Variants in DYNC1I1 observed in about 807,000 individuals in gnomAD.
DYNC1I1 encodes dynein cytoplasmic 1 intermediate chain 1.
Under a neutral mutation model 86.6 loss-of-function variants are expected in DYNC1I1, and 43 were observed. The observed-to-expected ratio is 0.50, with a 90% CI of 0.39 to 0.64. The LOEUF (loss-of-function observed/expected upper bound fraction) is 0.64. Among genes scored for constraint, DYNC1I1 ranks in the 30% least tolerant of loss-of-function variants. DYNC1I1 has a pLI of 0.00. For missense variants in DYNC1I1, 604 were observed against 788.8 expected (o/e 0.77, Z 2.81); for synonymous variants, 262 against 283.7 (o/e 0.92, Z 0.77).
At chr7:95,963,040 C>G (rs1792913943) in intron 6 of DYNC1I1, among the ~76,000 whole-genome samples, 1 of 152,152 alleles carries the variant, frequency 6.6e-6, no homozygotes, top group African/African-American at 2.4e-5. Context: ...GATCTACCTG[C>G]CATTCACTGT....
intron 1 of DYNC1I1, among the ~76,000 whole-genome samples, chr7:95,781,953 A>G (rs1584215575): frequency 6.6e-6 from 1 of 152,170 alleles, no homozygotes; most frequent in Non-Finnish European, 1.5e-5. Context: ...GTCATGATGC[A>G]ACAAAAAATA....
intron 14 of DYNC1I1, among the ~76,000 whole-genome samples, chr7:96,065,713 A>G (rs575089575): frequency 5.3e-4 from 80 of 151,942 alleles, no homozygotes; most frequent in African/African-American, 1.8e-3. Flanking sequence ...CTCCCACAGC[A>G]CCTCGTGTGA....
At chr7:95,890,066 C>A (rs939143718) in intron 6 of DYNC1I1, among the ~76,000 whole-genome samples, 1 of 152,186 alleles carries the variant, frequency 6.6e-6, no homozygotes, top group Admixed American at 6.5e-5. Flanking sequence ...AACAGAACTA[C>A]CATTCAATCC....
intron 6 of DYNC1I1, among the ~76,000 whole-genome samples, chr7:95,914,847 A>T (rs1185832478): frequency 2.0e-5 from 3 of 152,124 alleles, no homozygotes; most frequent in Non-Finnish European, 4.4e-5. Context: ...TTTCCTCCAG[A>T]AGTCTTGTTT....
intron 5 of DYNC1I1, among the ~76,000 whole-genome samples, chr7:95,866,524 T>A (rs2116149604): frequency 6.6e-6 from 1 of 152,334 alleles, no homozygotes; most frequent in African/African-American, 2.4e-5. Context: ...TTTCTTAACA[T>A]CACTTGAACC....
chr7:95,890,951 C>G lies in DYNC1I1; in HGVS notation c.490+20953C>G, dbSNP rs1289646484. Among the ~76,000 whole-genome samples the G allele has an allele frequency of 2.0e-5, 3 of 152,166 alleles. 1 individual carries two copies. The highest frequency in any genetic ancestry group is 2.0e-4 in the Admixed American group (3 of 15,278). Reference sequence around the variant, plus strand: ...GTGATGTGCTGAATTGTGTATCCCCCAAATTTCATATGCTGAAGTCCTCAT... The same window carrying G: ...GTGATGTGCTGAATTGTGTATCCCCGAAATTTCATATGCTGAAGTCCTCAT... On this transcript the variant is annotated intron_variant, in intron 6 of 16. Transcript: ENST00000447467.
chr7:95,978,807 T>TC (rs981224131), intron 7 of DYNC1I1, among the ~76,000 whole-genome samples: 3 of 152,052 alleles, frequency 2.0e-5, no homozygotes, highest in African/African-American at 7.2e-5. Context: ...GGACAATTTT[T>TC]TTTTTTTTGA....
chr7:95,998,316 T>A (rs1793922125), intron 10 of DYNC1I1, among the ~76,000 whole-genome samples: 1 of 152,250 alleles, frequency 6.6e-6, no homozygotes, highest in Non-Finnish European at 1.5e-5. Context: ...TGGGACTTGA[T>A]AGCAAAGGCT....
intron 14 of DYNC1I1, among the ~76,000 whole-genome samples, chr7:96,044,432 A>T (rs956687579): frequency 1.3e-5 from 2 of 152,106 alleles, no homozygotes; most frequent in East Asian, 1.9e-4. Context: ...GCAAGAAAGC[A>T]TTAAAATCAA....
chr7:95,923,465 T>A lies in DYNC1I1; in HGVS notation c.490+53467T>A, dbSNP rs148233114. Among the ~76,000 whole-genome samples, 82 of 152,292 alleles carry A rather than the reference T, an allele frequency of 5.4e-4. No individual in the cohort carries two copies. In the East Asian group the frequency reaches 0.015, roughly 27 times the overall value. ...AAGCCAGTGACAAAGAACTTGTATT[T>A]CGCTTATTTTGCCATCGATGCCTTA... is the stretch of plus-strand genomic sequence containing the variant. On this transcript the variant is annotated intron_variant, in intron 6 of 16. Transcript: ENST00000447467.
intron 1 of DYNC1I1, among the ~76,000 whole-genome samples, chr7:95,774,202 A>G (rs1475926099): frequency 6.6e-6 from 1 of 152,204 alleles, no homozygotes; most frequent in Non-Finnish European, 1.5e-5. Flanking sequence ...AGTTTTTAGA[A>G]TACAGTTGGG....
intron 6 of DYNC1I1, among the ~76,000 whole-genome samples, chr7:95,971,495 C>CAAAA (rs1793169908): frequency 6.6e-6 from 1 of 152,022 alleles, no homozygotes; most frequent in Non-Finnish European, 1.5e-5. Flanking sequence ...TCCAAAAAAA[C>CAAAA]AAACAAACAA....
At chr7:96,055,227 G>T (rs1789536248) in intron 14 of DYNC1I1, among the ~76,000 whole-genome samples, 1 of 151,938 alleles carries the variant, frequency 6.6e-6, no homozygotes, top group Non-Finnish European at 1.5e-5. Flanking sequence ...TATGGACACA[G>T]GGAGGGGAAC....
intron 4 of DYNC1I1, among the ~76,000 whole-genome samples, chr7:95,819,446 CCA>C (rs1192519793): frequency 2.6e-5 from 4 of 151,978 alleles, no homozygotes; most frequent in East Asian, 1.9e-4. Context: ...TCACCTTTAT[CCA>C]CAGTCAGATT....
At chr7:95,890,174 A>T (rs891210790) in intron 6 of DYNC1I1, among the ~76,000 whole-genome samples, 3 of 152,238 alleles carry the variant, frequency 2.0e-5, no homozygotes, top group Admixed American at 6.5e-5. Flanking sequence ...AATATATGGA[A>T]TCAACCTCAA....
intron 16 of DYNC1I1, among the ~76,000 whole-genome samples, chr7:96,090,703 T>G (rs927010273): frequency 3.9e-5 from 6 of 152,180 alleles, no homozygotes; most frequent in Non-Finnish European, 8.8e-5. Flanking sequence ...GGTAAGAATG[T>G]TGCTTAATTT....
intron 10 of DYNC1I1, among the ~76,000 whole-genome samples, chr7:96,012,085 A>G (rs920579837): frequency 3.3e-5 from 5 of 152,328 alleles, no homozygotes; most frequent in Admixed American, 2.0e-4. Context: ...CAGTGGCAGG[A>G]AGCTTATTGT....
chr7:95,927,114 A>G (rs540658693), intron 6 of DYNC1I1, among the ~76,000 whole-genome samples: 2 of 152,274 alleles, frequency 1.3e-5, no homozygotes, highest in South Asian at 2.1e-4. Flanking sequence ...TTATTCCAGT[A>G]TGTGAATCTT....
intron 6 of DYNC1I1, among the ~76,000 whole-genome samples, chr7:95,875,068 G>A (rs1790273311): frequency 6.6e-6 from 1 of 152,218 alleles, no homozygotes; most frequent in Non-Finnish European, 1.5e-5. Context: ...GAGTCCATTA[G>A]CCAGGACTAG....
Sources: gnomAD v4.1 joint callset for allele counts (sites outside exome capture counted in the v4.1 genomes callset) on GRCh38, gnomAD v4.1.1 for gene constraint, MANE v1.5 for transcripts, NCBI Gene and HGNC (gene_info 2026-07-23, HGNC 2026-07-21) for gene names.